Variants in GLIS1 observed in about 807,000 individuals in gnomAD.
The protein encoded by GLIS1 is GLIS family zinc finger 1.
In GLIS1, 24 loss-of-function variants were observed where a neutral mutation model predicts 63.8. The ratio of observed to expected loss-of-function variants is 0.38; its 90% CI spans 0.27 to 0.53. GLIS1 has a LOEUF of 0.53. Ranked by LOEUF, GLIS1 falls within the 20% of genes least tolerant of loss-of-function variation. The pLI, the probability that GLIS1 is intolerant of heterozygous loss-of-function variation, is 0.85. For missense variants in GLIS1, 1,036 were observed against 1,074.1 expected (o/e 0.96, Z 0.50); for synonymous variants, 450 against 482.5 (o/e 0.93, Z 0.88).
chr1:53,686,435 AAAG>A (rs1297542297), intron 2 of GLIS1, among the ~76,000 whole-genome samples: 2 of 152,146 alleles, frequency 1.3e-5, no homozygotes, highest in African/African-American at 2.4e-5. Context: ...CCAAAGTGGG[AAAG>A]AAGGTTAGGA....
intron 4 of GLIS1, among the ~76,000 whole-genome samples, chr1:53,538,739 G>A (rs1205876012): frequency 1.3e-5 from 2 of 152,160 alleles, no homozygotes; most frequent in African/African-American, 4.8e-5. Flanking sequence ...AAGGCTGAGG[G>A]GGTGGGGGCT....
At chr1:53,719,480 GT>G (rs1646731711) in intron 2 of GLIS1, among the ~76,000 whole-genome samples, 1 of 152,202 alleles carries the variant, frequency 6.6e-6, no homozygotes, top group South Asian at 2.1e-4. Context: ...CAAAATCAGA[GT>G]TTACACACCT....
intron 6 of GLIS1, among the ~76,000 whole-genome samples, chr1:53,524,131 A>T (rs991430000): frequency 2.0e-5 from 3 of 152,238 alleles, no homozygotes; most frequent in Non-Finnish European, 2.9e-5. Flanking sequence ...GTCTAAAGCA[A>T]GTCCTTTTTT....
intron 2 of GLIS1, among the ~76,000 whole-genome samples, chr1:53,610,034 T>C (rs1428372832): frequency 2.0e-5 from 3 of 152,250 alleles, no homozygotes; most frequent in East Asian, 1.9e-4. Context: ...CTGTCATTGA[T>C]TGAAACATTG....
chr1:53,542,750 G>T (rs950951238), intron 4 of GLIS1, among the ~76,000 whole-genome samples: 1 of 152,220 alleles, frequency 6.6e-6, no homozygotes, highest in African/African-American at 2.4e-5. Flanking sequence ...CGCCCTGGGG[G>T]TGCTGACAGC....
At chr1:53,523,920 T>C (rs1378598299) in intron 6 of GLIS1, among the ~76,000 whole-genome samples, 3 of 152,236 alleles carry the variant, frequency 2.0e-5, no homozygotes, top group African/African-American at 7.2e-5. Context: ...CCGCTGATCC[T>C]GCACACACTG....
intron 4 of GLIS1, among the ~76,000 whole-genome samples, chr1:53,541,604 T>C (rs1644643636): frequency 6.6e-6 from 1 of 152,120 alleles, no homozygotes; most frequent in Non-Finnish European, 1.5e-5. Context: ...GCACACGCAC[T>C]CAAGTTAGGG....
intron 2 of GLIS1, among the ~76,000 whole-genome samples, chr1:53,681,011 G>A (rs1369088787): frequency 1.3e-5 from 2 of 152,210 alleles, no homozygotes; most frequent in Non-Finnish European, 2.9e-5. Context: ...GGACACAGCT[G>A]GGTCAATGTT....
intron 4 of GLIS1, among the ~76,000 whole-genome samples, chr1:53,550,385 G>C (rs1444262310): frequency 6.6e-6 from 1 of 152,180 alleles, no homozygotes; most frequent in Non-Finnish European, 1.5e-5. Context: ...GAGGCCTCTG[G>C]GGGAGGCTTG....
At chr1:53,518,877 A>T (rs534697317) in intron 7 of GLIS1, among the ~76,000 whole-genome samples, 1 of 152,308 alleles carries the variant, frequency 6.6e-6, no homozygotes, top group Admixed American at 6.5e-5. Context: ...CATCTGGGAG[A>T]ACAGGCTTGC....
At chr1:53,657,551 C>T (rs1165606459) in intron 2 of GLIS1, among the ~76,000 whole-genome samples, 2 of 152,136 alleles carry the variant, frequency 1.3e-5, no homozygotes, top group African/African-American at 4.8e-5. Flanking sequence ...TCTTGGTTTC[C>T]TGGAGCCCTG....
At chr1:53,709,824 T>C (rs940155052) in intron 2 of GLIS1, among the ~76,000 whole-genome samples, 2 of 151,972 alleles carry the variant, frequency 1.3e-5, no homozygotes, top group Non-Finnish European at 2.9e-5. Context: ...GGTGGGTGGA[T>C]GAAGATATGG....
intron 2 of GLIS1, among the ~76,000 whole-genome samples, chr1:53,699,944 T>C (rs1368969903): frequency 2.6e-5 from 4 of 152,152 alleles, no homozygotes; most frequent in African/African-American, 7.2e-5. Flanking sequence ...TTTCATCATA[T>C]GAACTGAGGG....
At chr1:53,575,359 G>T (rs888375473) in intron 4 of GLIS1, among the ~76,000 whole-genome samples, 1 of 152,042 alleles carries the variant, frequency 6.6e-6, no homozygotes, top group African/African-American at 2.4e-5. Context: ...CCCATCACCG[G>T]GCCCCTGCCT....
chr1:53,608,841 T>G (rs974716261), intron 2 of GLIS1, among the ~76,000 whole-genome samples: 3 of 152,218 alleles, frequency 2.0e-5, no homozygotes, highest in African/African-American at 7.2e-5. Context: ...GAGAGACATG[T>G]AAGGCAAGCT....
chr1:53,696,146 G>A (rs1287596249), intron 2 of GLIS1, among the ~76,000 whole-genome samples: 6 of 152,222 alleles, frequency 3.9e-5, no homozygotes, highest in African/African-American at 7.2e-5. Flanking sequence ...AGCTCCAAGC[G>A]GTTAATGCTT....
At chr1:53,690,221 C>T (rs1254838037) in intron 2 of GLIS1, among the ~76,000 whole-genome samples, 1 of 152,274 alleles carries the variant, frequency 6.6e-6, no homozygotes, top group Non-Finnish European at 1.5e-5. Flanking sequence ...AGCCTCACCG[C>T]CCAGCAACGC....
intron 4 of GLIS1, among the ~76,000 whole-genome samples, chr1:53,530,569 C>T (rs1044352293): frequency 6.6e-6 from 1 of 152,324 alleles, no homozygotes; most frequent in South Asian, 2.1e-4. Context: ...CTGAAGGGCC[C>T]TTCACAGATC....
chr1:53,580,025 C>A (rs141763611), intron 4 of GLIS1, among the ~76,000 whole-genome samples: 1 of 152,208 alleles, frequency 6.6e-6, no homozygotes, highest in Non-Finnish European at 1.5e-5. Context: ...TGTGCAGCCA[C>A]CGTCCTGATG....
Sources: allele counts gnomAD v4.1 joint callset (sites outside exome capture counted in the v4.1 genomes callset), GRCh38; gene constraint gnomAD v4.1.1; transcripts MANE v1.5; gene names NCBI Gene and HGNC (gene_info 2026-07-23, HGNC 2026-07-21).